SEMA3D: variants seen among roughly 807,000 people sequenced by gnomAD.
The protein encoded by SEMA3D is semaphorin 3D.
In SEMA3D, 84 loss-of-function variants were observed where a neutral mutation model predicts 100.1. That is an observed-to-expected ratio of 0.84 (90% confidence interval 0.70 to 1.01). The LOEUF (loss-of-function observed/expected upper bound fraction) is 1.01, where lower values mean the gene tolerates loss of function less well. Among genes scored for constraint, SEMA3D ranks in the 50% least tolerant of loss-of-function variants. SEMA3D has a pLI of 0.00. For missense variants in SEMA3D, 875 were observed against 934.1 expected (o/e 0.94, Z 0.82); for synonymous variants, 312 against 320.7 (o/e 0.97, Z 0.29).
At chr7:85,129,078 G>T (rs1448532192) in intron 2 of SEMA3D, among the ~76,000 whole-genome samples, 1 of 151,398 alleles carries the variant, frequency 6.6e-6, no homozygotes, top group Non-Finnish European at 1.5e-5. Context: ...TAGAGATAGG[G>T]TCTCACTATT....
At chr7:85,241,479 A>ATATATATATATATATATATATATT in the SEMA3D span, among the ~76,000 whole-genome samples, 1 of 136,706 alleles carries the variant, frequency 7.3e-6, no homozygotes, top group African/African-American at 2.9e-5. Flanking sequence ...ATATATATAT[A>ATATATATATATATATATATATATT]TATATATATA....
chr7:85,170,430 A>G (rs1231684768), intron 1 of SEMA3D, among the ~76,000 whole-genome samples: 1 of 151,900 alleles, frequency 6.6e-6, no homozygotes, highest in East Asian at 1.9e-4. Context: ...GAACAACACA[A>G]CAATCATTTC....
chr7:84,998,534 T>A lies in SEMA3D; in HGVS notation c.*906A>T, dbSNP rs767262386. On this transcript the variant is annotated 3_prime_UTR_variant, in exon 19 of 19. Transcript: ENST00000284136. ...ATTACTCTCACTTTATTTGTGATTG[T>A]TCTTCCTTTTCATGGGGATATGAGT... The A allele has an allele frequency of 2.6e-5, 4 of 152,140 alleles. No individual in the cohort carries two copies. The highest frequency in any genetic ancestry group is 5.9e-5 in the Non-Finnish European group (4 of 67,996). 9.4% of individuals were successfully genotyped at this position (152,140 alleles called of 1,614,324 possible).
At chr7:85,137,604 G>A (rs1322838684) in intron 2 of SEMA3D, among the ~76,000 whole-genome samples, 2 of 151,900 alleles carry the variant, frequency 1.3e-5, no homozygotes, top group African/African-American at 4.8e-5. Context: ...TGCTACAATT[G>A]GTATTCTGGA....
intron 13 of SEMA3D, among the ~76,000 whole-genome samples, chr7:85,021,941 A>T (rs1481450289): frequency 6.6e-6 from 1 of 151,856 alleles, no homozygotes; most frequent in Admixed American, 6.6e-5. Flanking sequence ...ATAATCTCCA[A>T]GAAGTTTCTA....
At chr7:85,019,925 T>C (rs990887754) in intron 14 of SEMA3D, among the ~76,000 whole-genome samples, 2 of 151,648 alleles carry the variant, frequency 1.3e-5, no homozygotes, top group African/African-American at 2.4e-5. Flanking sequence ...TAGAAAAGCA[T>C]CTGGATAGTA....
intron 12 of SEMA3D, chr7:85,027,762 C>T: frequency 2.5e-6 from 1 of 405,068 alleles, no homozygotes. Context: ...TCATTGAACA[C>T]AGCAGCAGCT....
At position 85,015,114 on chromosome 7, in the gene SEMA3D, G is replaced by A. The variant is rs765433524; in HGVS notation, c.1648C>T (p.Pro550Ser). Residue 550 changes from proline to serine, a missense_variant, in exon 16 of 19, where the codon CCC (proline) becomes TCC (serine). By Grantham distance (74) the Pro-to-Ser change is moderately conservative (BLOSUM62 -1). Coordinates refer to ENST00000284136, the MANE Select transcript of SEMA3D (RefSeq NM_001384900.1). Reference protein sequence around the residue: ...ACADCCLARDPYCAWDGNACS... With the variant: ...ACADCCLARDSYCAWDGNACS... ...GCATTTCCATCCCAGGCACAGTAGG[G>A]GTCTCTGGCAAGACAACAGTCTGCG... 3 of 1,611,644 alleles carry A rather than the reference G, an allele frequency of 1.9e-6. No individual in the cohort carries two copies. Among genetic ancestry groups the A allele is most frequent in the South Asian group, 1.1e-5 (1 of 91,008 alleles).
intron 17 of SEMA3D, among the ~76,000 whole-genome samples, chr7:85,011,687 A>G (rs1422576947): frequency 2.0e-5 from 3 of 151,810 alleles, no homozygotes; most frequent in African/African-American, 7.2e-5. Context: ...TCGCACAGTA[A>G]TGATTGCTAA....
chr7:85,186,643 C>G (rs1266654811), intron 1 of SEMA3D, 35 bp downstream of exon 1: 1 of 152,468 alleles, frequency 6.6e-6, no homozygotes, highest in Non-Finnish European at 1.5e-5. Flanking sequence ...GCACACCCTC[C>G]CACTGGAGTA....
chr7:85,036,434 A>C (rs181653161), intron 12 of SEMA3D, among the ~76,000 whole-genome samples: 27 of 152,310 alleles, frequency 1.8e-4, no homozygotes, highest in African/African-American at 6.3e-4. Context: ...AATTAAGTGA[A>C]GAAAAGATAA....
intron 12 of SEMA3D, chr7:85,028,611 T>G (rs1292211747): frequency 4.1e-6 from 1 of 242,876 alleles, no homozygotes; most frequent in Non-Finnish European, 8.0e-6. Context: ...GAGAGCTGTC[T>G]GGCACCTCTA....
At chr7:85,089,653 G>C (rs1788324188) in intron 4 of SEMA3D, among the ~76,000 whole-genome samples, 1 of 152,110 alleles carries the variant, frequency 6.6e-6, no homozygotes, top group Non-Finnish European at 1.5e-5. Flanking sequence ...TTACAAGTGA[G>C]GTGGGCAGAT....
chr7:85,163,035 A>T (rs1790789353), intron 1 of SEMA3D: 11 of 903,384 alleles, frequency 1.2e-5, no homozygotes, highest in Non-Finnish European at 1.5e-5. Flanking sequence ...GATGTGAAGT[A>T]AGAATATAAA....
At chr7:85,054,231 A>G (rs1791247335) in intron 9 of SEMA3D, among the ~76,000 whole-genome samples, 2 of 152,000 alleles carry the variant, frequency 1.3e-5, no homozygotes, top group Admixed American at 6.6e-5. Flanking sequence ...CAAAATATAT[A>G]TTTACTTGCT....
the SEMA3D span, among the ~76,000 whole-genome samples, chr7:85,239,142 T>C: frequency 6.6e-6 from 1 of 152,186 alleles, no homozygotes; most frequent in Non-Finnish European, 1.5e-5. Flanking sequence ...AGGAATCACC[T>C]GGGGATCTTG....
At chr7:85,035,453 G>A (rs1302195108) in intron 12 of SEMA3D, among the ~76,000 whole-genome samples, 1 of 151,884 alleles carries the variant, frequency 6.6e-6, no homozygotes, top group Admixed American at 6.6e-5. Flanking sequence ...TGAATCTTAA[G>A]GACGTTATGT....
chr7:85,189,313 G>A (rs1049836527), upstream of SEMA3D, among the ~76,000 whole-genome samples: 2 of 152,046 alleles, frequency 1.3e-5, no homozygotes, highest in African/African-American at 4.8e-5. Flanking sequence ...TTCAGTCACT[G>A]GATTTATTTC....
intron 9 of SEMA3D, among the ~76,000 whole-genome samples, chr7:85,053,619 T>G (rs1791228242): frequency 6.6e-6 from 1 of 151,978 alleles, no homozygotes. Context: ...TGCCACAACT[T>G]AATCTTAGAT....
Sources: gnomAD v4.1 joint callset for allele counts (sites outside exome capture counted in the v4.1 genomes callset) on GRCh38, gnomAD v4.1.1 for gene constraint, MANE v1.5 for transcripts, NCBI Gene and HGNC (gene_info 2026-07-23, HGNC 2026-07-21) for gene names.